The following DUSP10 variants were observed in gnomAD, a reference collection of about 807,000 sequenced individuals.
DUSP10 encodes the protein dual specificity phosphatase 10, also known as dual specificity protein phosphatase 10.
Under a neutral mutation model 30.8 loss-of-function variants are expected in DUSP10, and 14 were observed. The observed-to-expected ratio is 0.46, with a 90% confidence interval of 0.30 to 0.71. DUSP10 has a LOEUF of 0.71. DUSP10 is among the 30% of genes least tolerant of loss of function. The pLI, the probability that DUSP10 is intolerant of heterozygous loss-of-function variation, is 0.08. For synonymous variants in DUSP10, 254 were observed against 250.4 expected (o/e 1.01, Z -0.14); for missense variants, 550 against 619.4 (o/e 0.89, Z 1.19).
intron 2 of DUSP10, among the ~76,000 whole-genome samples, chr1:221,735,539 TTATC>T (rs1350700269): frequency 2.6e-4 from 39 of 152,370 alleles, no homozygotes; most frequent in African/African-American, 6.3e-4. Context: ...CATTAAAACA[TTATC>T]TATATTTTTA....
rs547678010 is a variant in DUSP10 at position 221,722,102 on chromosome 1, T to C, written c.812-15636A>G. The stretch of plus-strand genomic sequence containing the variant: ...AACTGTGCACCTTTGGGCAAGTTAC[T>C]TGAACTTAAGACCATGTGAAACCAC... On this transcript the variant is annotated intron_variant, in intron 2 of 3. Transcript: ENST00000366899. Among the ~76,000 whole-genome samples the C allele has an allele frequency of 9.2e-5, 14 of 152,362 alleles. 1 individual carries two copies. Among genetic ancestry groups the C allele is most frequent in the Non-Finnish European group, 2.1e-4 (14 of 68,032 alleles).
At chr1:221,713,979 C>T (rs1422293166) in intron 2 of DUSP10, among the ~76,000 whole-genome samples, 1 of 152,106 alleles carries the variant, frequency 6.6e-6, no homozygotes, top group Non-Finnish European at 1.5e-5. Flanking sequence ...CAGAATAGCC[C>T]TCCCAAAACT....
intron 2 of DUSP10, among the ~76,000 whole-genome samples, chr1:221,707,969 G>C (rs938074391): frequency 7.9e-5 from 12 of 152,088 alleles, no homozygotes; most frequent in African/African-American, 1.4e-4. Context: ...TAAACCCAAA[G>C]GATTATTACA....
rs542751309 is a variant in DUSP10 at position 221,734,699 on chromosome 1, C to T, written c.811+4235G>A. ...ATACCTAGTTAGAGGGGAGCCAAGGCTAGCATTCAGGCTGACTAGATCCGA... is the reference window on the plus strand; with the variant it reads ...ATACCTAGTTAGAGGGGAGCCAAGGTTAGCATTCAGGCTGACTAGATCCGA... On this transcript the variant is annotated intron_variant, in intron 2 of 3. Coordinates refer to ENST00000366899, the MANE Select transcript of DUSP10 (RefSeq NM_007207.6). Among the ~76,000 whole-genome samples, 4 of 152,228 alleles carry T rather than the reference C, an allele frequency of 2.6e-5. No homozygotes were observed. In the East Asian group the frequency reaches 5.8e-4, roughly 22 times the overall value.
At chr1:221,719,118 G>A (rs1440967535) in intron 2 of DUSP10, among the ~76,000 whole-genome samples, 1 of 152,214 alleles carries the variant, frequency 6.6e-6, no homozygotes, top group Non-Finnish European at 1.5e-5. Flanking sequence ...ATTTCAGTAG[G>A]ATCTGGAGGT....
Position 221,736,140 on chromosome 1 carries a change from A to G in DUSP10, c.811+2794T>C, listed in dbSNP as rs188454864. ...CTGATCGGTTTCTTCCCAACCTGAC[A>G]CAGCATTACTAAAATGGCAAGTTAG... On this transcript the variant is annotated intron_variant, in intron 2 of 3. Transcript: ENST00000366899. Among the ~76,000 whole-genome samples the G allele has an allele frequency of 2.5e-3, 378 of 152,316 alleles. 1 individual carries two copies. The highest frequency in any genetic ancestry group is 8.3e-3 in the African/African-American group (344 of 41,574).
At chr1:221,722,685 T>C (rs1016334422) in intron 2 of DUSP10, among the ~76,000 whole-genome samples, 1 of 152,206 alleles carries the variant, frequency 6.6e-6, no homozygotes, top group African/African-American at 2.4e-5. Context: ...CATTCTAAGG[T>C]GGCCCCAAGA....
intron 2 of DUSP10, among the ~76,000 whole-genome samples, chr1:221,728,644 C>T (rs1310392335): frequency 6.6e-6 from 1 of 152,224 alleles, no homozygotes; most frequent in Non-Finnish European, 1.5e-5. Flanking sequence ...ATTCTTTCTT[C>T]ACCTACTTGA....
chr1:221,724,418 CAT>C (rs1393930237), intron 2 of DUSP10, among the ~76,000 whole-genome samples: 18 of 152,170 alleles, frequency 1.2e-4, no homozygotes, highest in South Asian at 6.2e-4. Flanking sequence ...TTTTTCTTAA[CAT>C]GTGCAAATAT....
At chr1:221,740,131 G>A (rs2102659579) in intron 1 of DUSP10, among the ~76,000 whole-genome samples, 1 of 152,262 alleles carries the variant, frequency 6.6e-6, no homozygotes, top group East Asian at 1.9e-4. Context: ...GCTCTTAAGA[G>A]GCATCTATTC....
chr1:221,722,640 T>G (rs1661309708), intron 2 of DUSP10, among the ~76,000 whole-genome samples: 1 of 152,220 alleles, frequency 6.6e-6, no homozygotes. Context: ...TCCCAATAAC[T>G]GCAGAGTTTA....
intron 1 of DUSP10, among the ~76,000 whole-genome samples, chr1:221,740,640 C>T (rs1661926522): frequency 6.6e-6 from 1 of 152,206 alleles, no homozygotes; most frequent in African/African-American, 2.4e-5. Context: ...CTCTTCATCT[C>T]CCTGGCTGGC....
chr1:221,739,814 A>G, intron 1 of DUSP10, 27 bp from the exon 2 acceptor site: 1 of 1,500,082 alleles, frequency 6.7e-7, no homozygotes, highest in Non-Finnish European at 8.8e-7. Context: ...GGGGGAAAGA[A>G]AGAATAAAGT....
chr1:221,709,002 T>A (rs1419474620), intron 2 of DUSP10, among the ~76,000 whole-genome samples: 8 of 139,870 alleles, frequency 5.7e-5, no homozygotes, highest in Admixed American at 7.1e-5. Flanking sequence ...GCAGCTAGTT[T>A]AAAAAAAAAA....
chr1:221,702,682 A>T lies in DUSP10; in HGVS notation c.1184-5T>A, dbSNP rs1301366693. 1 of 1,613,128 alleles carries T rather than the reference A, an allele frequency of 6.2e-7. No individual in the cohort carries two copies. Among genetic ancestry groups the T allele is most frequent in the Non-Finnish European group, 8.5e-7 (1 of 1,179,160 alleles). ...TCCCACACTGGTGAGCTTCCTCTGA[A>T]AAAAGGGAGAAAGACAAGAGATGAA... On this transcript the variant is annotated splice_region_variant and splice_polypyrimidine_tract_variant and intron_variant, in intron 3 of 3. Coordinates refer to ENST00000366899, the MANE Select transcript of DUSP10 (RefSeq NM_007207.6). The surrounding 1 kb of genome is among the most constrained non-coding windows in gnomAD (Gnocchi z 4.5).
In DUSP10 at chr1:221,739,425, C is replaced by T; in HGVS notation, c.320G>A (p.Gly107Glu). Residue 107 changes from glycine (G) to glutamate (E), a missense_variant, in exon 2 of 4, where the codon GGA becomes GAA. Transcript: ENST00000366899. ...GTTAGCAGGGCAGGTGGTAGAGGTTCCGATGGCAGTGGTGGTGGTGCCAGC... is the reference window on the plus strand; with the variant it reads ...GTTAGCAGGGCAGGTGGTAGAGGTTTCGATGGCAGTGGTGGTGGTGCCAGC... ...IAAGTTTTAI[G>E]TSTTCPANQM... 1 of 1,614,182 alleles carries T rather than the reference C, an allele frequency of 6.2e-7. No individual in the cohort carries two copies. Among genetic ancestry groups the T allele is most frequent in the Non-Finnish European group, 8.5e-7 (1 of 1,180,038 alleles).
At chr1:221,736,912 G>T (rs1020987852) in intron 2 of DUSP10, 1 of 985,418 alleles carries the variant, frequency 1.0e-6, no homozygotes, top group Non-Finnish European at 1.2e-6. Context: ...ACGAGGCCTC[G>T]CAGTGGCTGC....
chr1:221,731,945 A>C (rs1243236965), intron 2 of DUSP10, among the ~76,000 whole-genome samples: 1 of 152,176 alleles, frequency 6.6e-6, no homozygotes, highest in Non-Finnish European at 1.5e-5. Flanking sequence ...AAAAAGTACA[A>C]ACATGTGCTT....
intron 2 of DUSP10, among the ~76,000 whole-genome samples, chr1:221,731,215 G>T (rs1397565010): frequency 1.3e-5 from 2 of 152,090 alleles, no homozygotes; most frequent in African/African-American, 4.8e-5. Context: ...CTTAGAGACA[G>T]GTTTTCATCC....
Sources: allele counts gnomAD v4.1 joint callset (sites outside exome capture counted in the v4.1 genomes callset), GRCh38; gene constraint gnomAD v4.1.1; non-coding constraint Gnocchi (gnomAD v3.1); transcripts MANE v1.5; gene names NCBI Gene and HGNC (gene_info 2026-07-23, HGNC 2026-07-21).